HNF1B: variants seen among roughly 807,000 people sequenced by gnomAD.
The protein encoded by HNF1B is HNF1 homeobox B.
A neutral mutation model predicts 61.7 loss-of-function variants in HNF1B; 8 were observed. The ratio of observed to expected loss-of-function variants is 0.13; its 90% CI spans 0.08 to 0.23. The LOEUF is 0.23. HNF1B is among the 10% of genes least tolerant of loss of function. The probability of loss-of-function intolerance (pLI) is 1.00; values close to 1 mark genes in which losing one functional copy is unlikely to be tolerated. For synonymous variants in HNF1B, 314 were observed against 287.7 expected (o/e 1.09, Z -0.93); for missense variants, 562 against 714.5 (o/e 0.79, Z 2.43).
chr17:37,743,046 G>C (rs931016134), intron 1 of HNF1B, among the ~76,000 whole-genome samples: 3 of 152,082 alleles, frequency 2.0e-5, no homozygotes, highest in African/African-American at 7.2e-5. Flanking sequence ...CCAACTCCAC[G>C]TGCTGCAGTT....
intron 4 of HNF1B, chr17:37,721,016 G>C: frequency 1.1e-6 from 1 of 911,164 alleles, no homozygotes. Flanking sequence ...TGTTGTTTAA[G>C]GGTTTTCCAC....
intron 8 of HNF1B, among the ~76,000 whole-genome samples, chr17:37,688,028 T>C (rs558793610): frequency 2.6e-5 from 4 of 152,236 alleles, no homozygotes; most frequent in African/African-American, 9.6e-5. Context: ...GCTTTGCAAA[T>C]TGCAAAGTGC....
At chr17:37,741,969 G>A (rs2034004827) in intron 1 of HNF1B, among the ~76,000 whole-genome samples, 1 of 152,220 alleles carries the variant, frequency 6.6e-6, no homozygotes, top group East Asian at 1.9e-4. Flanking sequence ...GTGTTCACCG[G>A]GAAGAGCCGG....
intron 8 of HNF1B, among the ~76,000 whole-genome samples, chr17:37,690,761 T>C (rs924521889): frequency 2.0e-5 from 3 of 152,046 alleles, no homozygotes; most frequent in African/African-American, 7.2e-5. Flanking sequence ...AAATGAAGAG[T>C]TCCTATTTTA....
intron 4 of HNF1B, among the ~76,000 whole-genome samples, chr17:37,725,635 T>C (rs1348530361): frequency 6.6e-6 from 1 of 152,246 alleles, no homozygotes; most frequent in East Asian, 1.9e-4. Flanking sequence ...ATGTGTTTCC[T>C]AGAATAGCAG....
intron 4 of HNF1B, among the ~76,000 whole-genome samples, chr17:37,726,455 G>A (rs1280318715): frequency 6.6e-6 from 1 of 152,218 alleles, no homozygotes; most frequent in East Asian, 1.9e-4. Context: ...ATCAACACTG[G>A]CCATTAGAAT....
At chr17:37,741,585 A>G (rs1186293886) in intron 1 of HNF1B, among the ~76,000 whole-genome samples, 3 of 152,232 alleles carry the variant, frequency 2.0e-5, no homozygotes, top group Admixed American at 6.5e-5. Context: ...TTTCTGGTCA[A>G]TATTTCCACC....
chr17:37,692,180 G>T (rs368305304), intron 8 of HNF1B, among the ~76,000 whole-genome samples: 1 of 145,884 alleles, frequency 6.9e-6, no homozygotes, highest in Non-Finnish European at 1.5e-5. Context: ...GATTCTTGGC[G>T]CGAGAAGTCC....
intron 4 of HNF1B, among the ~76,000 whole-genome samples, chr17:37,716,842 ATCTCTCTCTCTCTCTCTCTCTCTCTC>A (rs55634127): frequency 7.6e-6 from 1 of 131,202 alleles, no homozygotes; most frequent in Non-Finnish European, 1.7e-5. Flanking sequence ...CACTTTAACA[ATCTCTCTCTCTCTCTCTCTCTCTCTC>A]TCTCTCTCTC....
intron 2 of HNF1B, among the ~76,000 whole-genome samples, chr17:37,736,250 T>C (rs569173468): frequency 2.6e-4 from 39 of 152,364 alleles, no homozygotes; most frequent in Non-Finnish European, 5.0e-4. Flanking sequence ...GAGTCACCAA[T>C]GGCGAAAGCC....
intron 8 of HNF1B, among the ~76,000 whole-genome samples, chr17:37,698,159 A>G (rs945578304): frequency 3.9e-5 from 6 of 152,100 alleles, no homozygotes; most frequent in Admixed American, 3.9e-4. Flanking sequence ...CAACAAGACC[A>G]AATTCTGAGA....
At chr17:37,712,110 T>G (rs1449995122) in intron 4 of HNF1B, among the ~76,000 whole-genome samples, 1 of 152,226 alleles carries the variant, frequency 6.6e-6, no homozygotes, top group Non-Finnish European at 1.5e-5. Flanking sequence ...AAACAAATGC[T>G]AAAGCTGGGT....
In HNF1B at chr17:37,731,864, G is replaced by C. The variant is rs370129222; in HGVS notation, c.810-34C>G. On this transcript the variant is annotated intron_variant, in intron 3 of 8. Coordinates refer to ENST00000617811, the MANE Select transcript of HNF1B (RefSeq NM_000458.4). Reference sequence around the variant, plus strand: ...GGATGGAGGGGAGATGGTGAGTGAGGGGGGGCGGGGGGACTTGTTGGTGCT... The same window carrying C: ...GGATGGAGGGGAGATGGTGAGTGAGCGGGGGCGGGGGGACTTGTTGGTGCT... The C allele has an allele frequency of 2.3e-5, 32 of 1,402,152 alleles. No individual in the cohort carries two copies. The Admixed American group carries it at 2.9e-4, about 13-fold the overall frequency. 86.9% of individuals were successfully genotyped at this position (1,402,152 alleles called of 1,614,324 possible). A position where few individuals can be genotyped will look rare whatever the true frequency, so the allele number is the denominator to read the frequency against.
At chr17:37,741,202 G>A (rs910149310) in intron 1 of HNF1B, among the ~76,000 whole-genome samples, 4 of 152,200 alleles carry the variant, frequency 2.6e-5, no homozygotes, top group African/African-American at 9.6e-5. Context: ...TCTAAATGGC[G>A]CCTTTAAATA....
chr17:37,724,231 A>AC (rs952735087), intron 4 of HNF1B, among the ~76,000 whole-genome samples: 1 of 151,658 alleles, frequency 6.6e-6, no homozygotes, highest in African/African-American at 2.4e-5. Flanking sequence ...GTATCCTAAC[A>AC]CCCCCCACCC....
At chr17:37,725,634 C>T (rs1179120664) in intron 4 of HNF1B, among the ~76,000 whole-genome samples, 1 of 152,180 alleles carries the variant, frequency 6.6e-6, no homozygotes, top group Admixed American at 6.5e-5. Context: ...AATGTGTTTC[C>T]TAGAATAGCA....
chr17:37,687,744 G>A (rs934141233), intron 8 of HNF1B, among the ~76,000 whole-genome samples: 6 of 152,214 alleles, frequency 3.9e-5, no homozygotes, highest in Admixed American at 6.5e-5. Context: ...TGGATGGTGA[G>A]CTCTTGCCTC....
chr17:37,700,332 C>T (rs554278012), intron 7 of HNF1B, among the ~76,000 whole-genome samples: 2 of 152,184 alleles, frequency 1.3e-5, no homozygotes, highest in African/African-American at 2.4e-5. Flanking sequence ...AATAAGTGGT[C>T]GAAAGGTAGG....
At chr17:37,724,928 G>A (rs1022492333) in intron 4 of HNF1B, among the ~76,000 whole-genome samples, 6 of 140,024 alleles carry the variant, frequency 4.3e-5, no homozygotes, top group African/African-American at 1.7e-4. Flanking sequence ...GTGTGTGTGT[G>A]TGTGTGTGTA....
Sources: allele counts gnomAD v4.1 joint callset (sites outside exome capture counted in the v4.1 genomes callset), GRCh38; gene constraint gnomAD v4.1.1; transcripts MANE v1.5; gene names NCBI Gene and HGNC (gene_info 2026-07-23, HGNC 2026-07-21).